Variants in GLT1D1 observed in about 807,000 individuals in gnomAD.
GLT1D1 encodes glycosyltransferase 1 domain-containing protein 1.
In GLT1D1, 21 loss-of-function variants were observed where a neutral mutation model predicts 28.7. That is an observed-to-expected ratio of 0.73 (90% CI 0.52 to 1.05). The LOEUF (loss-of-function observed/expected upper bound fraction) is 1.05. GLT1D1 is among the 50% of genes least tolerant of loss of function. The pLI, the probability that GLT1D1 is intolerant of heterozygous loss-of-function variation, is 0.00. For missense variants in GLT1D1, 343 were observed against 330.6 expected, an observed-to-expected ratio of 1.04 and a Z score of -0.29; for synonymous variants, 147 against 124.8, an observed-to-expected ratio of 1.18 and a Z score of -1.19.
At chr12:128,875,459 G>T (rs1956848227) in intron 1 of GLT1D1, among the ~76,000 whole-genome samples, 1 of 152,140 alleles carries the variant, frequency 6.6e-6, no homozygotes, top group East Asian at 1.9e-4. Context: ...TGCTTACAAA[G>T]GGTGATTCAG....
chr12:128,908,906 G>T (rs377374442), intron 4 of GLT1D1, among the ~76,000 whole-genome samples: 1 of 152,026 alleles, frequency 6.6e-6, no homozygotes. Flanking sequence ...CCGAGATCGC[G>T]CCCCTGCACT....
intron 4 of GLT1D1, chr12:128,944,491 G>T: frequency 8.6e-7 from 1 of 1,159,380 alleles, no homozygotes; most frequent in Non-Finnish European, 1.3e-6. Flanking sequence ...CGGCTCCCCT[G>T]TCAGAGCATC....
rs1194476491 is a variant in GLT1D1 at position 128,874,059 on chromosome 12, C to CCTTT, written c.69-1816_69-1813dup. Among the ~76,000 whole-genome samples, 30 of 34,698 alleles carry CCTTT rather than the reference C, an allele frequency of 8.6e-4. 1 individual carries two copies. The highest frequency in any genetic ancestry group is 4.5e-3 in the African/African-American group (30 of 6,618). 22.8% of individuals were successfully genotyped at this position (34,698 alleles called of 152,430 possible). A position where few individuals can be genotyped will look rare whatever the true frequency, so the allele number is the denominator to read the frequency against. On this transcript the variant is annotated intron_variant, in intron 1 of 7. Coordinates refer to ENST00000281703, the MANE Select transcript of GLT1D1 (RefSeq NM_144669.3). Reference sequence around the variant, plus strand: ...TCCCTCCCTGCCTCCCTCCCTCCCTCCTTTCTTTCTTTCTTTCTTTCTTTC... The same window carrying CCTTT: ...TCCCTCCCTGCCTCCCTCCCTCCCTCCTTTCTTTCTTTCTTTCTTTCTTTCTTTC...
In GLT1D1 at chr12:128,918,891, G is replaced by C. The variant is rs958481029; in HGVS notation, c.375+19604G>C. Among the ~76,000 whole-genome samples, 15 of 152,242 alleles carry C rather than the reference G, an allele frequency of 9.9e-5. No individual in the cohort carries two copies. In the South Asian group the frequency reaches 1.9e-3, roughly 19 times the overall value. ...TATTGAATGATTAAGGGAACAGCCA[G>C]GAGATTTTAAACACTCCTTACAAAG... On this transcript the variant is annotated intron_variant, in intron 4 of 7. Coordinates refer to ENST00000281703, the MANE Select transcript of GLT1D1 (RefSeq NM_144669.3).
chr12:128,935,329 G>T (rs890454333), intron 4 of GLT1D1, among the ~76,000 whole-genome samples: 1 of 152,080 alleles, frequency 6.6e-6, no homozygotes, highest in Non-Finnish European at 1.5e-5. Flanking sequence ...ATCGCTTGAG[G>T]TCAGGTGTTC....
chr12:128,936,018 A>T (rs1874517016), intron 4 of GLT1D1, among the ~76,000 whole-genome samples: 1 of 152,074 alleles, frequency 6.6e-6, no homozygotes, highest in Non-Finnish European at 1.5e-5. Flanking sequence ...CAGTTTCCCC[A>T]TCTATAAAAT....
chr12:128,934,356 G>A (rs933351538), intron 4 of GLT1D1, among the ~76,000 whole-genome samples: 5 of 151,948 alleles, frequency 3.3e-5, no homozygotes, highest in Non-Finnish European at 7.4e-5. Flanking sequence ...ACCACACCTG[G>A]CTAATATTTG....
intron 4 of GLT1D1, among the ~76,000 whole-genome samples, chr12:128,934,440 C>A (rs1452897031): frequency 6.6e-6 from 1 of 152,132 alleles, no homozygotes; most frequent in Non-Finnish European, 1.5e-5. Context: ...GTGATCCACC[C>A]GCCTCGGCCT....
chr12:128,919,348 T>C (rs907165232), intron 4 of GLT1D1, among the ~76,000 whole-genome samples: 66 of 151,790 alleles, frequency 4.3e-4, no homozygotes, highest in African/African-American at 1.6e-3. Flanking sequence ...TCAGGGGGAG[T>C]GGGTGGGAAG....
intron 1 of GLT1D1, among the ~76,000 whole-genome samples, chr12:128,858,033 A>G (rs1956265575): frequency 6.6e-6 from 1 of 152,210 alleles, no homozygotes; most frequent in Admixed American, 6.5e-5. Flanking sequence ...GTTCTTTTTC[A>G]TAATGAGGAT....
At chr12:128,871,301 C>T (rs10082942) in intron 1 of GLT1D1, among the ~76,000 whole-genome samples, 4,407 of 152,248 alleles carry the variant, frequency 0.029, 210 homozygotes, top group African/African-American at 0.099. Context: ...AGCTTGACTG[C>T]TGCAGGCATC....
Position 128,944,581 on chromosome 12 carries a change from C to T in GLT1D1, c.376-745C>T, listed in dbSNP as rs188863177. ...GAGATGAATCCAGTGAGCAGTAAGG[C>T]GTTGTTTAATGACCTCAAAGGACAT... On this transcript the variant is annotated intron_variant, in intron 4 of 7. Transcript: ENST00000281703. The T allele has an allele frequency of 6.7e-4, 499 of 749,230 alleles. 2 individuals carry two copies. The African/African-American group carries it at 7.2e-3, about 11-fold the overall frequency. 46.4% of individuals were successfully genotyped at this position (749,230 alleles called of 1,614,324 possible).
At chr12:128,882,558 T>C (rs1444995899) in intron 2 of GLT1D1, among the ~76,000 whole-genome samples, 1 of 152,138 alleles carries the variant, frequency 6.6e-6, no homozygotes, top group African/African-American at 2.4e-5. Context: ...GGATTACAGG[T>C]GTGAGCCACC....
chr12:128,858,297 T>C (rs1956273600), intron 1 of GLT1D1, among the ~76,000 whole-genome samples: 1 of 152,118 alleles, frequency 6.6e-6, no homozygotes, highest in Non-Finnish European at 1.5e-5. Flanking sequence ...AATCAAAATA[T>C]TTAACCCCAA....
chr12:128,979,102 C>T (rs112292506), intron 7 of GLT1D1, among the ~76,000 whole-genome samples: 3 of 152,348 alleles, frequency 2.0e-5, no homozygotes, highest in African/African-American at 7.2e-5. Flanking sequence ...CTCAGTTTAC[C>T]CAGCTGCTAT....
At position 128,860,682 on chromosome 12, in the gene GLT1D1, A is replaced by G. The variant is rs536715561; in HGVS notation, c.68+7033A>G. On this transcript the variant is annotated intron_variant, in intron 1 of 7. Coordinates refer to ENST00000281703, the MANE Select transcript of GLT1D1 (RefSeq NM_144669.3). ...CCAGTGTGGACTCGATCCTTCGGGC[A>G]GGGTGCTTGGAGAACACAGAGAGTT... Among the ~76,000 whole-genome samples the G allele has an allele frequency of 3.4e-4, 52 of 152,254 alleles. 1 individual carries two copies. In the South Asian group the frequency reaches 6.2e-3, roughly 18 times the overall value.
At chr12:128,897,708 G>A (rs574171786) in intron 3 of GLT1D1, among the ~76,000 whole-genome samples, 47 of 151,628 alleles carry the variant, frequency 3.1e-4, no homozygotes, top group African/African-American at 1.1e-3. Flanking sequence ...TCGCTCTGTT[G>A]CCCAGGCTGG....
intron 4 of GLT1D1, among the ~76,000 whole-genome samples, chr12:128,918,997 T>C (rs1301686404): frequency 6.6e-6 from 1 of 152,250 alleles, no homozygotes. Context: ...TCAGAATATA[T>C]GGGCTTAGAG....
chr12:128,891,444 C>T (rs1043607041), intron 3 of GLT1D1, among the ~76,000 whole-genome samples: 1 of 152,216 alleles, frequency 6.6e-6, no homozygotes, highest in Non-Finnish European at 1.5e-5. Flanking sequence ...TACTGCCTAA[C>T]TATCCCTTCG....
Sources: allele counts gnomAD v4.1 joint callset (sites outside exome capture counted in the v4.1 genomes callset), GRCh38; gene constraint gnomAD v4.1.1; transcripts MANE v1.5; gene names NCBI Gene and HGNC (gene_info 2026-07-23, HGNC 2026-07-21).